TMPRSS15: variants seen among roughly 807,000 people sequenced by gnomAD.
The protein encoded by TMPRSS15 is enteropeptidase.
In TMPRSS15, 128 loss-of-function variants were observed where a neutral mutation model predicts 125.3. The observed-to-expected ratio is 1.02, with a 90% CI of 0.89 to 1.18. The LOEUF is 1.18. Among genes scored for constraint, TMPRSS15 ranks in the 50% most tolerant of loss-of-function variants. TMPRSS15 has a pLI of 0.00. For missense variants in TMPRSS15, 1,283 were observed against 1,212.7 expected (o/e 1.06, Z -0.86); for synonymous variants, 446 against 423.2 (o/e 1.05, Z -0.66).
rs567437338 is a variant in TMPRSS15, at chr21:18,278,298, TTTTAAG to T, written c.2764+660_2764+665del. Reference sequence around the variant, plus strand: ...TAGTTTATATTCATTTTAATGAGGCTTTTAAGTTTATCAGAGTGTTTATAATACTAA... The same window carrying T: ...TAGTTTATATTCATTTTAATGAGGCTTTTATCAGAGTGTTTATAATACTAA... On this transcript the variant is annotated intron_variant, in intron 23 of 24. Transcript: ENST00000284885. Among the ~76,000 whole-genome samples, 45 of 152,020 alleles carry T rather than the reference TTTTAAG, an allele frequency of 3.0e-4. No homozygotes were observed. In the South Asian group the frequency reaches 5.4e-3, roughly 18 times the overall value.
chr21:18,436,880 G>A (rs537049152), intron 1 of TMPRSS15, among the ~76,000 whole-genome samples: 36 of 10,180 alleles, frequency 3.5e-3, no homozygotes, highest in South Asian at 0.034. Flanking sequence ...AATCAATATC[G>A]TGAAAATGGC....
chr21:18,379,692 G>A (rs914035808), intron 4 of TMPRSS15, among the ~76,000 whole-genome samples: 2 of 152,088 alleles, frequency 1.3e-5, no homozygotes, highest in African/African-American at 4.8e-5. Context: ...GATATGCTTA[G>A]ACCATGGGCT....
chr21:18,364,932 A>G (rs2075712186), intron 7 of TMPRSS15, among the ~76,000 whole-genome samples: 1 of 152,210 alleles, frequency 6.6e-6, no homozygotes, highest in Non-Finnish European at 1.5e-5. Context: ...GACCCCACTT[A>G]TTAGACAGTA....
intron 1 of TMPRSS15, among the ~76,000 whole-genome samples, chr21:18,424,993 A>C (rs1277951121): frequency 6.7e-6 from 1 of 150,046 alleles, no homozygotes; most frequent in Non-Finnish European, 1.5e-5. Context: ...AATTTTATGA[A>C]TATATGAATA....
chr21:18,321,897 A>T (rs1241231153), intron 16 of TMPRSS15, among the ~76,000 whole-genome samples: 1 of 152,166 alleles, frequency 6.6e-6, no homozygotes, highest in Non-Finnish European at 1.5e-5. Context: ...GTCTAGGAGG[A>T]ATGTGAAACC....
intron 1 of TMPRSS15, among the ~76,000 whole-genome samples, chr21:18,484,842 C>T (rs1979049496): frequency 6.6e-6 from 1 of 151,646 alleles, no homozygotes; most frequent in Non-Finnish European, 1.5e-5. Flanking sequence ...CCAATATCTG[C>T]CACTGTATTT....
Position 18,445,013 on chromosome 21 carries a change from T to C in TMPRSS15, c.10+40786A>G, listed in dbSNP as rs74677067. 2.0e-3 allele frequency among the ~76,000 whole-genome samples: 300 copies of C among 152,192 alleles called. 1 individual carries two copies. Among genetic ancestry groups the C allele is most frequent in the African/African-American group, 7.1e-3 (295 of 41,518 alleles). ...GTGGCAAAACTTTTAGTGGCAAAAA[T>C]GGTAAATAGTTTTGCAACAAGCTAA... On this transcript the variant is annotated intron_variant, in intron 1 of 7. Coordinates refer to the TMPRSS15 transcript ENST00000422787.
At chr21:18,437,026 A>C (rs1251620048) in intron 1 of TMPRSS15, among the ~76,000 whole-genome samples, 12 of 146,332 alleles carry the variant, frequency 8.2e-5, no homozygotes, top group South Asian at 6.8e-4. Context: ...AGTCAATCCT[A>C]AGCCAAAAGA....
chr21:18,467,874 T>C (rs1238882426), intron 1 of TMPRSS15, among the ~76,000 whole-genome samples: 1 of 152,086 alleles, frequency 6.6e-6, no homozygotes, highest in Non-Finnish European at 1.5e-5. Flanking sequence ...TATGGTTGCA[T>C]GACCTGAGAG....
chr21:18,437,620 A>G (rs1274486165), intron 1 of TMPRSS15, among the ~76,000 whole-genome samples: 3 of 152,192 alleles, frequency 2.0e-5, no homozygotes, highest in South Asian at 2.1e-4. Flanking sequence ...AACTCAAACA[A>G]ATTTACAAGA....
chr21:18,465,102 C>T (rs1224007592), intron 1 of TMPRSS15, among the ~76,000 whole-genome samples: 1 of 152,108 alleles, frequency 6.6e-6, no homozygotes, highest in East Asian at 1.9e-4. Flanking sequence ...AAGGCTGGTT[C>T]AACATACACA....
chr21:18,278,512 G>A (rs578095252), intron 23 of TMPRSS15, among the ~76,000 whole-genome samples: 15 of 152,212 alleles, frequency 9.9e-5, no homozygotes, highest in African/African-American at 3.4e-4. Context: ...GAGGTCAGGA[G>A]ATCGAGACCA....
chr21:18,368,046 T>C (rs534717620), intron 6 of TMPRSS15, among the ~76,000 whole-genome samples: 1 of 152,240 alleles, frequency 6.6e-6, no homozygotes, highest in African/African-American at 2.4e-5. Flanking sequence ...AAAGTTAGAA[T>C]ACAGATCACA....
At chr21:18,465,497 T>A (rs1978641446) in intron 1 of TMPRSS15, among the ~76,000 whole-genome samples, 1 of 152,206 alleles carries the variant, frequency 6.6e-6, no homozygotes. Context: ...GAAATCATTG[T>A]GTATTTAGAA....
intron 1 of TMPRSS15, among the ~76,000 whole-genome samples, chr21:18,429,924 G>A (rs1282973421): frequency 2.6e-5 from 4 of 152,124 alleles, no homozygotes; most frequent in African/African-American, 9.7e-5. Flanking sequence ...AGAGAGATAT[G>A]TATTTTTGCT....
chr21:18,393,831 A>G (rs2076010166), intron 3 of TMPRSS15, among the ~76,000 whole-genome samples: 1 of 152,186 alleles, frequency 6.6e-6, no homozygotes, highest in Non-Finnish European at 1.5e-5. Context: ...CAAATAGCCT[A>G]TCAAAACAGA....
rs573583928 is a variant in TMPRSS15, at chr21:18,425,285, G to A, written c.11-26956C>T. 2.5e-4 allele frequency among the ~76,000 whole-genome samples: 38 copies of A among 152,076 alleles called. No homozygotes were observed. The East Asian group carries it at 6.2e-3, about 25-fold the overall frequency. On this transcript the variant is annotated intron_variant, in intron 1 of 7. Coordinates refer to the TMPRSS15 transcript ENST00000422787. Reference sequence around the variant, plus strand: ...CAATCAGCAAACCTGACTACTATAAGGACTCCACAGTCAAATTTGAATTTA... The same window carrying A: ...CAATCAGCAAACCTGACTACTATAAAGACTCCACAGTCAAATTTGAATTTA...
At chr21:18,402,508 A>G in intron 1 of TMPRSS15, among the ~76,000 whole-genome samples, 1 of 144,166 alleles carries the variant, frequency 6.9e-6, no homozygotes, top group Middle Eastern at 3.8e-3. Flanking sequence ...CAGCCTGGCG[A>G]CAGAGCGAGA....
At chr21:18,291,583 A>G (rs2074835349) in intron 21 of TMPRSS15, among the ~76,000 whole-genome samples, 1 of 152,204 alleles carries the variant, frequency 6.6e-6, no homozygotes, top group Admixed American at 6.5e-5. Flanking sequence ...TATTCTTTTT[A>G]TTAGGAAATT....
Sources: allele counts gnomAD v4.1 joint callset (sites outside exome capture counted in the v4.1 genomes callset), GRCh38; gene constraint gnomAD v4.1.1; transcripts MANE v1.5; gene names NCBI Gene and HGNC (gene_info 2026-07-23, HGNC 2026-07-21).